Variants in SLMAP observed in about 807,000 individuals in gnomAD.
SLMAP encodes sarcolemmal membrane-associated protein.
SLMAP carries 44 observed loss-of-function variants against 128.8 expected under a neutral mutation model. The ratio of observed to expected loss-of-function variants is 0.34; its 90% CI spans 0.27 to 0.44. The LOEUF (loss-of-function observed/expected upper bound fraction) is 0.44. Among genes scored for constraint, SLMAP ranks in the 20% least tolerant of loss-of-function variants. The pLI, the probability that SLMAP is intolerant of heterozygous loss-of-function variation, is 1.00. For missense variants in SLMAP, 787 were observed against 985.3 expected, an observed-to-expected ratio of 0.80 and a Z score of 2.69; for synonymous variants, 327 against 348.8, an observed-to-expected ratio of 0.94 and a Z score of 0.70.
intron 2 of SLMAP, among the ~76,000 whole-genome samples, chr3:57,807,197 G>A (rs775062794): frequency 6.6e-6 from 1 of 152,086 alleles, no homozygotes; most frequent in Non-Finnish European, 1.5e-5. Context: ...TCCTTTGCCT[G>A]CTTTTTGATG....
intron 2 of SLMAP, among the ~76,000 whole-genome samples, chr3:57,766,610 G>A (rs1013879222): frequency 9.2e-5 from 14 of 152,064 alleles, no homozygotes; most frequent in Admixed American, 2.6e-4. Context: ...AATCTTTGAC[G>A]TTGCCTCATT....
rs760957218 is a variant in SLMAP at position 57,864,686 on chromosome 3, T to G, written c.1105T>G (p.Phe369Val). Residue 369 changes from phenylalanine to valine, a missense_variant, in exon 11 of 25, where the codon TTC becomes GTC. This residue lies in a region of SLMAP where 715 missense variants were observed against 843.6 expected (regional missense o/e 0.85). Coordinates refer to ENST00000671191, the MANE Select transcript of SLMAP (RefSeq NM_001377540.1). ...AGAAGCTTTGCAAGCTGATAATGAT[T>G]TCACCAATGAAAGGCTAACAGCTTT... ...KIEALQADND[F>V]TNERLTALQV... The G allele has an allele frequency of 4.4e-6, 7 of 1,595,204 alleles. No homozygotes were observed. In the South Asian group the frequency reaches 8.2e-5, roughly 19 times the overall value.
At chr3:57,922,724 G>T (rs1224191488) in intron 22 of SLMAP, among the ~76,000 whole-genome samples, 165 bp from the exon 23 acceptor site, 2 of 152,286 alleles carry the variant, frequency 1.3e-5, no homozygotes, top group Non-Finnish European at 2.9e-5. Flanking sequence ...ACTGCGCCCG[G>T]CCAAAAGACT....
At chr3:57,867,220 C>A (rs975282229) in intron 13 of SLMAP, among the ~76,000 whole-genome samples, 1 of 152,106 alleles carries the variant, frequency 6.6e-6, no homozygotes, top group African/African-American at 2.4e-5. Context: ...AGTCATCACC[C>A]TCTTGATTTT....
At chr3:57,910,459 GGCATGAGCCACT>G (rs1297169948) in intron 19 of SLMAP, among the ~76,000 whole-genome samples, 2 of 152,150 alleles carry the variant, frequency 1.3e-5, no homozygotes, top group African/African-American at 4.8e-5. Flanking sequence ...AGAGATTACA[GGCATGAGCCACT>G]GCACCTGGCC....
intron 14 of SLMAP, among the ~76,000 whole-genome samples, chr3:57,878,326 A>G (rs2095652176): frequency 6.6e-6 from 1 of 151,944 alleles, no homozygotes; most frequent in African/African-American, 2.4e-5. Context: ...CTATGTCTCT[A>G]TTTCTGTTTT....
intron 6 of SLMAP, among the ~76,000 whole-genome samples, chr3:57,853,955 T>TTATATATA (rs1157170350): frequency 0.011 from 344 of 31,866 alleles, 8 homozygotes; most frequent in African/African-American, 0.012. Flanking sequence ...AAAAAAAAAA[T>TTATATATA]TATATATATA....
At chr3:57,910,621 G>A (rs1391882162) in intron 19 of SLMAP, among the ~76,000 whole-genome samples, 1 of 152,168 alleles carries the variant, frequency 6.6e-6, no homozygotes, top group East Asian at 1.9e-4. Context: ...TTTCCAGAAA[G>A]ACCCCTGCCT....
chr3:57,811,521 C>T (rs2090973810), intron 2 of SLMAP, among the ~76,000 whole-genome samples: 2 of 152,154 alleles, frequency 1.3e-5, no homozygotes, highest in Non-Finnish European at 2.9e-5. Context: ...GTTGCTTTTA[C>T]ATTTTAGCTA....
At chr3:57,869,657 T>TATATATATATATATATAA (rs1553900520) in intron 13 of SLMAP, among the ~76,000 whole-genome samples, 1 of 135,538 alleles carries the variant, frequency 7.4e-6, no homozygotes, top group Admixed American at 7.6e-5. Context: ...TATATATATA[T>TATATATATATATATATAA]ATAATATATA....
chr3:57,774,006 A>T (rs1576270877), intron 2 of SLMAP, among the ~76,000 whole-genome samples: 1 of 152,322 alleles, frequency 6.6e-6, no homozygotes. Context: ...GAAAGAAGTT[A>T]AAAGGATTAT....
intron 2 of SLMAP, among the ~76,000 whole-genome samples, chr3:57,775,825 A>G (rs552401120): frequency 7.9e-5 from 12 of 152,200 alleles, no homozygotes; most frequent in Middle Eastern, 3.4e-3. Context: ...GAGGCTCCCA[A>G]GTAACTGGGA....
chr3:57,865,164 A>G (rs896783571), intron 12 of SLMAP, 78 bp from the exon 13 acceptor site: 10 of 739,250 alleles, frequency 1.4e-5, no homozygotes, highest in Admixed American at 3.1e-5. Context: ...AGGAATGCAG[A>G]ATGCCATGGT....
intron 2 of SLMAP, among the ~76,000 whole-genome samples, chr3:57,828,804 G>A (rs2093118846): frequency 6.6e-6 from 1 of 152,140 alleles, no homozygotes; most frequent in African/African-American, 2.4e-5. Context: ...TTTTGAGACA[G>A]GAGTTCATGC....
intron 2 of SLMAP, among the ~76,000 whole-genome samples, chr3:57,781,585 C>T (rs548882248): frequency 9.2e-5 from 14 of 152,046 alleles, no homozygotes; most frequent in African/African-American, 2.7e-4. Flanking sequence ...TTAGTAGCTG[C>T]GGTTACCTGG....
intron 22 of SLMAP, among the ~76,000 whole-genome samples, 167 bp from the exon 23 acceptor site, chr3:57,922,722 C>G (rs541053933): frequency 6.6e-6 from 1 of 152,114 alleles, no homozygotes; most frequent in African/African-American, 2.4e-5. Flanking sequence ...CCACTGCGCC[C>G]GGCCAAAAGA....
chr3:57,927,126 C>T (rs1338886007), intron 24 of SLMAP, among the ~76,000 whole-genome samples, 170 bp from the exon 25 acceptor site: 8 of 146,974 alleles, frequency 5.4e-5, no homozygotes. Flanking sequence ...TCTTCTTATA[C>T]CTGCACTCCC....
At chr3:57,767,295 A>G (rs2079939229) in intron 2 of SLMAP, among the ~76,000 whole-genome samples, 1 of 152,150 alleles carries the variant, frequency 6.6e-6, no homozygotes, top group Non-Finnish European at 1.5e-5. Flanking sequence ...TCAGATGTGA[A>G]CTCTTGAGAG....
chr3:57,878,776 G>A (rs1205995575), intron 14 of SLMAP, among the ~76,000 whole-genome samples: 2 of 152,154 alleles, frequency 1.3e-5, no homozygotes, highest in South Asian at 2.1e-4. Flanking sequence ...AAAAAATTTG[G>A]TGTCAAGAAC....
Sources: gnomAD v4.1 joint callset for allele counts (sites outside exome capture counted in the v4.1 genomes callset) on GRCh38, gnomAD v4.1.1 for gene constraint, gnomAD v4.1.1 regional missense constraint, MANE v1.5 for transcripts, NCBI Gene and HGNC (gene_info 2026-07-23, HGNC 2026-07-21) for gene names.